The following HACL1 variants were observed in gnomAD, a reference collection of about 807,000 sequenced individuals.
The protein encoded by HACL1 is 2-hydroxyacyl-CoA lyase 1, also known as 1600020H07Rik.
HACL1 carries 64 observed loss-of-function variants against 74.2 expected under a neutral mutation model. That is an observed-to-expected ratio of 0.86 (90% CI 0.70 to 1.06). The LOEUF (loss-of-function observed/expected upper bound fraction) is 1.06, where lower values mean the gene tolerates loss of function less well. Ranked by LOEUF, HACL1 falls within the 50% of genes least tolerant of loss-of-function variation. The pLI is 0.00. For missense variants in HACL1, 728 were observed against 719.7 expected, an observed-to-expected ratio of 1.01 and a Z score of -0.13; for synonymous variants, 230 against 238.8, an observed-to-expected ratio of 0.96 and a Z score of 0.34.
intron 16 of HACL1, 61 bp from the exon 17 acceptor site, chr3:15,560,958 C>G: frequency 8.2e-7 from 1 of 1,223,894 alleles, no homozygotes; most frequent in Non-Finnish European, 1.2e-6. Flanking sequence ...ATTATATCCT[C>G]ATTGTTTCAC....
chr3:15,585,535 G>A (rs1037186028), intron 6 of HACL1, among the ~76,000 whole-genome samples, 193 bp from the exon 7 acceptor site: 3 of 151,538 alleles, frequency 2.0e-5, no homozygotes, highest in Non-Finnish European at 4.4e-5. Context: ...GTTTAAAAGG[G>A]AGAGAGATAA....
At chr3:15,570,377 A>T (rs1477698366) in intron 12 of HACL1, among the ~76,000 whole-genome samples, 2 of 151,874 alleles carry the variant, frequency 1.3e-5, no homozygotes, top group African/African-American at 4.8e-5. Flanking sequence ...AGACAGATTC[A>T]TGTACAATCA....
intron 10 of HACL1, 83 bp from the exon 11 acceptor site, chr3:15,573,325 C>T (rs1443026869): frequency 1.3e-6 from 1 of 793,298 alleles, no homozygotes; most frequent in African/African-American, 1.7e-5. Flanking sequence ...AATAAATGAA[C>T]TGTGTATATA....
At chr3:15,575,417 C>T (rs1314114670) in intron 9 of HACL1, among the ~76,000 whole-genome samples, 1 of 152,148 alleles carries the variant, frequency 6.6e-6, no homozygotes, top group Non-Finnish European at 1.5e-5. Flanking sequence ...AACAAAATCA[C>T]CCCATAATAC....
At position 15,601,439 on chromosome 3, in the gene HACL1, G is replaced by A. The variant is rs968795448; in HGVS notation, c.25C>T (p.Arg9Cys). The A allele has an allele frequency of 6.2e-7, 1 of 1,613,672 alleles. No individual in the cohort carries two copies. The highest frequency in any genetic ancestry group is 1.7e-5 in the Admixed American group (1 of 60,024). The change falls in exon 1 of 17, where the codon CGC becomes TGC. Residue 9 changes from arginine (R) to cysteine (C), a missense_variant. Coordinates refer to ENST00000321169, the MANE Select transcript of HACL1 (RefSeq NM_012260.4). ...GCACCAGACACCTGCTCCTCGCTGC[G>A]CTCTGCGAAGTTACTGTCCGGCATC... MPDSNFAE[R>C]SEEQVSGAKV... is the part of the protein sequence containing the mutation.
At chr3:15,599,966 G>A (rs948699365) in intron 2 of HACL1, among the ~76,000 whole-genome samples, 3 of 152,142 alleles carry the variant, frequency 2.0e-5, no homozygotes, top group Admixed American at 2.0e-4. Flanking sequence ...ACAGATGAAA[G>A]AACAGAATGT....
At chr3:15,564,094 T>C (rs905455638) in intron 15 of HACL1, among the ~76,000 whole-genome samples, 4 of 152,224 alleles carry the variant, frequency 2.6e-5, no homozygotes, top group African/African-American at 9.6e-5. Context: ...AATTCATATC[T>C]GTCTCACATT....
intron 8 of HACL1, among the ~76,000 whole-genome samples, chr3:15,581,186 G>A (rs1322531881): frequency 6.6e-6 from 1 of 152,246 alleles, no homozygotes; most frequent in Admixed American, 6.5e-5. Flanking sequence ...ACAGGCGTGA[G>A]CCACCACACT....
intron 3 of HACL1, among the ~76,000 whole-genome samples, chr3:15,592,556 G>A (rs904105217): frequency 6.8e-6 from 1 of 146,346 alleles, no homozygotes; most frequent in African/African-American, 2.6e-5. Context: ...GCACATGTGT[G>A]CGTGTATACA....
At chr3:15,598,006 A>ATTTTG (rs751089661) in intron 2 of HACL1, among the ~76,000 whole-genome samples, 1 of 150,722 alleles carries the variant, frequency 6.6e-6, no homozygotes, top group Admixed American at 6.6e-5. Context: ...GTTTTGTTTT[A>ATTTTG]TTTTGTTTTG....
At chr3:15,565,558 T>C (rs1386436334) in intron 14 of HACL1, among the ~76,000 whole-genome samples, 1 of 152,218 alleles carries the variant, frequency 6.6e-6, no homozygotes, top group East Asian at 1.9e-4. Flanking sequence ...TTAAATGTTA[T>C]TGACTGAAAA....
chr3:15,593,200 CGT>C (rs1284771480), intron 3 of HACL1, among the ~76,000 whole-genome samples: 1 of 145,572 alleles, frequency 6.9e-6, no homozygotes, highest in Non-Finnish European at 1.5e-5. Flanking sequence ...TATATATGTG[CGT>C]GTGTGTATAT....
intron 5 of HACL1, among the ~76,000 whole-genome samples, chr3:15,588,462 G>A (rs116585599): frequency 0.021 from 3,245 of 152,190 alleles, 50 homozygotes; most frequent in Non-Finnish European, 0.033. Context: ...GCATGGTGGC[G>A]TGTGCCTATA....
chr3:15,587,441 C>G (rs575145378), intron 5 of HACL1, among the ~76,000 whole-genome samples: 2 of 139,940 alleles, frequency 1.4e-5, no homozygotes, highest in South Asian at 4.9e-4. Context: ...ACAGGCATGA[C>G]AAAATTAAGA....
At chr3:15,567,740 G>A in intron 14 of HACL1, 104 bp downstream of exon 14, 3 of 1,019,076 alleles carry the variant, frequency 2.9e-6, no homozygotes, top group South Asian at 1.4e-5. Flanking sequence ...TGTGCACAGG[G>A]CACCTGGTGA....
In HACL1 at chr3:15,573,200, C is replaced by T. The variant is rs41284033; in HGVS notation, c.952G>A (p.Ala318Thr). ...TGTATGTTTCCTAGCAAAGTAACAGCGGGCTTTACATTATTCCCCAATTCT... is the reference window on the plus strand; with the variant it reads ...TGTATGTTTCCTAGCAAAGTAACAGTGGGCTTTACATTATTCCCCAATTCT... Reference protein sequence around the residue: ...AEELGNNVKPAVTLLGNIHAV... With the variant: ...AEELGNNVKPTVTLLGNIHAV... The change falls in exon 11 of 17, where the codon GCT becomes ACT. Residue 318 changes from alanine to threonine, a missense_variant. By Grantham distance (58) the Ala-to-Thr change is moderately conservative. Coordinates refer to ENST00000321169, the MANE Select transcript of HACL1 (RefSeq NM_012260.4). The T allele has an allele frequency of 6.0e-3, 9,654 of 1,610,700 alleles. 50 individuals are homozygous for T. Among genetic ancestry groups the T allele is most frequent in the Non-Finnish European group, 6.8e-3 (8,011 of 1,177,092 alleles).
At position 15,599,570 on chromosome 3, in the gene HACL1, TACCA is replaced by T. The variant is rs777692222; in HGVS notation, c.186+1516_186+1519del. On this transcript the variant is annotated intron_variant, in intron 2 of 16. Coordinates refer to ENST00000321169, the MANE Select transcript of HACL1 (RefSeq NM_012260.4). ...TCCCACAACCTCCCCTCAACCTACC[TACCA>T]GTCTCACAGCTCACCATGCCTTTAC... Among the ~76,000 whole-genome samples the T allele has an allele frequency of 2.6e-5, 4 of 151,910 alleles. No individual in the cohort carries two copies. The East Asian group carries it at 5.8e-4, about 22-fold the overall frequency.
At chr3:15,589,950 G>A (rs891646966) in intron 4 of HACL1, among the ~76,000 whole-genome samples, 2 of 151,998 alleles carry the variant, frequency 1.3e-5, no homozygotes, top group African/African-American at 4.8e-5. Flanking sequence ...TAGAAGAATT[G>A]CTTGAACCTG....
At chr3:15,583,791 G>GA (rs2063750178) in intron 7 of HACL1, among the ~76,000 whole-genome samples, 1 of 152,052 alleles carries the variant, frequency 6.6e-6, no homozygotes, top group East Asian at 1.9e-4. Flanking sequence ...CTGAGTAGCT[G>GA]GGACTACAGG....
Sources: gnomAD v4.1 joint callset for allele counts (sites outside exome capture counted in the v4.1 genomes callset) on GRCh38, gnomAD v4.1.1 for gene constraint, MANE v1.5 for transcripts, NCBI Gene and HGNC (gene_info 2026-07-23, HGNC 2026-07-21) for gene names.